The following DSCAML1 variants were observed in gnomAD, a reference collection of about 807,000 sequenced individuals.
The protein encoded by DSCAML1 is DS cell adhesion molecule like 1, also known as cell adhesion molecule DSCAML1.
In DSCAML1, 38 loss-of-function variants were observed where a neutral mutation model predicts 200.5. The observed-to-expected ratio is 0.19, with a 90% CI of 0.15 to 0.25. The LOEUF is 0.25. DSCAML1 is among the 10% of genes least tolerant of loss of function. DSCAML1 has a pLI of 1.00. For missense variants in DSCAML1, 2,223 were observed against 2,858.8 expected (o/e 0.78, Z 5.07); for synonymous variants, 1,215 against 1,165.0 (o/e 1.04, Z -0.87).
At chr11:117,488,815 A>T (rs2049132685) in intron 11 of DSCAML1, among the ~76,000 whole-genome samples, 1 of 152,180 alleles carries the variant, frequency 6.6e-6, no homozygotes. Flanking sequence ...GGTGCTTACC[A>T]TGTCCTGGCA....
intron 19 of DSCAML1, 72 bp from the exon 20 acceptor site, chr11:117,450,760 G>A: frequency 1.3e-6 from 2 of 1,537,652 alleles, no homozygotes; most frequent in South Asian, 1.3e-5. Flanking sequence ...GACAGAGTTG[G>A]GAGAGGGAGG....
At chr11:117,605,488 C>T (rs913624708) in intron 3 of DSCAML1, among the ~76,000 whole-genome samples, 3 of 152,214 alleles carry the variant, frequency 2.0e-5, no homozygotes, top group African/African-American at 4.8e-5. Context: ...GAATGGAAAG[C>T]GCTTAAGTGG....
chr11:117,555,961 G>A (rs887780663), intron 3 of DSCAML1, among the ~76,000 whole-genome samples: 11 of 151,916 alleles, frequency 7.2e-5, no homozygotes, highest in Non-Finnish European at 1.5e-4. Flanking sequence ...CGGGGGAGGA[G>A]GGGGAAGAGA....
chr11:117,692,731 G>A (rs774148551), intron 3 of DSCAML1, among the ~76,000 whole-genome samples: 6 of 152,072 alleles, frequency 3.9e-5, no homozygotes, highest in Non-Finnish European at 7.4e-5. Flanking sequence ...GGCCCTGCTC[G>A]CACACCTTTA....
chr11:117,453,225 A>G (rs2137123862), intron 19 of DSCAML1, among the ~76,000 whole-genome samples: 1 of 152,308 alleles, frequency 6.6e-6, no homozygotes, highest in African/African-American at 2.4e-5. Flanking sequence ...TTGAGCCACC[A>G]TGTCCAACCC....
intron 3 of DSCAML1, among the ~76,000 whole-genome samples, chr11:117,767,741 T>C (rs1245582016): frequency 6.6e-6 from 1 of 152,182 alleles, no homozygotes; most frequent in Non-Finnish European, 1.5e-5. Flanking sequence ...GGTTGCACTT[T>C]GGGTACAGAA....
chr11:117,786,965 C>G (rs2055366739), intron 1 of DSCAML1, among the ~76,000 whole-genome samples: 1 of 152,126 alleles, frequency 6.6e-6, no homozygotes, highest in Admixed American at 6.5e-5. Context: ...ATGGTCAGGA[C>G]CAACCGGCCA....
intron 3 of DSCAML1, among the ~76,000 whole-genome samples, chr11:117,535,438 G>C (rs2050150538): frequency 1.3e-5 from 2 of 152,142 alleles, no homozygotes; most frequent in Non-Finnish European, 2.9e-5. Flanking sequence ...GCTCTGCCCG[G>C]CTCCAGCACA....
At chr11:117,590,752 GGGTGAT>G (rs1330925413) in intron 3 of DSCAML1, among the ~76,000 whole-genome samples, 6 of 152,202 alleles carry the variant, frequency 3.9e-5, no homozygotes, top group African/African-American at 1.4e-4. Context: ...GTATGTCCCA[GGGTGAT>G]GGCTAGGAAG....
At chr11:117,755,278 AT>A (rs2054667370) in intron 3 of DSCAML1, among the ~76,000 whole-genome samples, 1 of 152,200 alleles carries the variant, frequency 6.6e-6, no homozygotes. Flanking sequence ...GTGAACGCTA[AT>A]TTATGATGGG....
At chr11:117,575,150 C>G (rs1185508995) in intron 3 of DSCAML1, among the ~76,000 whole-genome samples, 1 of 152,160 alleles carries the variant, frequency 6.6e-6, no homozygotes, top group Non-Finnish European at 1.5e-5. Context: ...AAGATAGTGC[C>G]ATTACATTCC....
At chr11:117,660,484 C>T (rs889651339) in intron 3 of DSCAML1, among the ~76,000 whole-genome samples, 2 of 152,172 alleles carry the variant, frequency 1.3e-5, no homozygotes, top group Non-Finnish European at 2.9e-5. Context: ...TCCATGAGGA[C>T]TCATTTGGTA....
chr11:117,573,594 T>G (rs1424770602), intron 3 of DSCAML1, among the ~76,000 whole-genome samples: 3 of 152,194 alleles, frequency 2.0e-5, no homozygotes, highest in Admixed American at 6.5e-5. Context: ...GATCCTGCAG[T>G]GAAGACAGCT....
intron 3 of DSCAML1, among the ~76,000 whole-genome samples, chr11:117,593,553 G>T (rs1355013472): frequency 6.6e-6 from 1 of 152,228 alleles, no homozygotes; most frequent in Non-Finnish European, 1.5e-5. Flanking sequence ...CCAGAGGCCG[G>T]GACAGCACTG....
At position 117,468,441 on chromosome 11, in the gene DSCAML1, C is replaced by T. The variant is rs751252039; in HGVS notation, c.3024+1469G>A. 5.3e-5 allele frequency among the ~76,000 whole-genome samples: 8 copies of T among 152,298 alleles called. No homozygotes were observed. The South Asian group carries it at 1.0e-3, about 20-fold the overall frequency. On this transcript the variant is annotated intron_variant, in intron 16 of 32. Transcript: ENST00000651296. ...AATAAATCTGATTCTAAATTTTTAT[C>T]GACCTGTGGGTCAGAGCTTTGTAGC...
intron 3 of DSCAML1, among the ~76,000 whole-genome samples, chr11:117,555,995 T>C (rs2050552961): frequency 1.3e-5 from 2 of 152,010 alleles, no homozygotes; most frequent in Non-Finnish European, 2.9e-5. Context: ...GGGTAGGATG[T>C]GCAGCAGATT....
At chr11:117,563,009 A>ACAAT (rs1190240049) in intron 3 of DSCAML1, among the ~76,000 whole-genome samples, 4 of 152,152 alleles carry the variant, frequency 2.6e-5, no homozygotes, top group African/African-American at 7.2e-5. Context: ...GGTTATTATT[A>ACAAT]CAATCACTCA....
At chr11:117,443,759 G>T (rs902800150) in intron 21 of DSCAML1, 127 bp downstream of exon 21, 1 of 1,344,744 alleles carries the variant, frequency 7.4e-7, no homozygotes, top group Non-Finnish European at 1.0e-6. Context: ...CAGGCGGGTG[G>T]CCAGTTCCTC....
intron 1 of DSCAML1, among the ~76,000 whole-genome samples, chr11:117,788,479 A>C (rs184805328): frequency 1.3e-5 from 2 of 152,190 alleles, no homozygotes; most frequent in East Asian, 3.9e-4. Flanking sequence ...GGCGTGCACC[A>C]CCACGCCTGG....
Sources: allele counts gnomAD v4.1 joint callset (sites outside exome capture counted in the v4.1 genomes callset), GRCh38; gene constraint gnomAD v4.1.1; transcripts MANE v1.5; gene names NCBI Gene and HGNC (gene_info 2026-07-23, HGNC 2026-07-21).